The following ARMC9 variants were observed in gnomAD, a reference collection of about 807,000 sequenced individuals.
ARMC9 encodes armadillo repeat containing 9, also known as lisH domain-containing protein ARMC9.
Under a neutral mutation model 107.0 loss-of-function variants are expected in ARMC9, and 94 were observed. The ratio of observed to expected loss-of-function variants is 0.88; its 90% confidence interval spans 0.74 to 1.04. The LOEUF is 1.04. Ranked by LOEUF, ARMC9 falls within the 50% of genes least tolerant of loss-of-function variation. The pLI, the probability that ARMC9 is intolerant of heterozygous loss-of-function variation, is 0.00. For missense variants in ARMC9, 942 were observed against 1,030.1 expected (o/e 0.91, Z 1.17); for synonymous variants, 380 against 396.9 (o/e 0.96, Z 0.51).
At chr2:231,278,514 T>C (rs2039953836) in intron 16 of ARMC9, 56 bp downstream of exon 16, 1 of 1,504,252 alleles carries the variant, frequency 6.6e-7, no homozygotes, top group South Asian at 1.1e-5. Flanking sequence ...GGGGACCCAA[T>C]GCCTGTGACC....
chr2:231,280,909 A>G (rs1235570444), intron 16 of ARMC9, among the ~76,000 whole-genome samples: 1 of 152,218 alleles, frequency 6.6e-6, no homozygotes, highest in African/African-American at 2.4e-5. Flanking sequence ...GAAAATAAAA[A>G]CAACCGTAGG....
Position 231,213,677 on chromosome 2 carries a change from A to G in ARMC9, c.178-1154A>G, listed in dbSNP as rs1016809210. 2.6e-5 allele frequency among the ~76,000 whole-genome samples: 4 copies of G among 151,960 alleles called. No individual in the cohort carries two copies. In the East Asian group the frequency reaches 5.8e-4, roughly 22 times the overall value. On this transcript the variant is annotated intron_variant, in intron 3 of 24. Transcript: ENST00000611582. ...TTTTTAGTGGAGACAGGGTTTCATC[A>G]TGTTGATCAGGCTGGTCTCGAACTC...
At chr2:231,273,170 C>G in intron 14 of ARMC9, 92 bp downstream of exon 14, 1 of 1,502,762 alleles carries the variant, frequency 6.7e-7, no homozygotes, top group Non-Finnish European at 9.0e-7. Context: ...GGTATTTTTC[C>G]ACTACACTTT....
At chr2:231,311,093 AC>A (rs2125512884) in intron 19 of ARMC9, among the ~76,000 whole-genome samples, 1 of 152,306 alleles carries the variant, frequency 6.6e-6, no homozygotes, top group East Asian at 1.9e-4. Flanking sequence ...GTGCCATTGC[AC>A]CCCAGCCTGG....
At chr2:231,246,254 C>T (rs891656303) in intron 9 of ARMC9, among the ~76,000 whole-genome samples, 4 of 152,204 alleles carry the variant, frequency 2.6e-5, no homozygotes, top group African/African-American at 9.7e-5. Context: ...AGGTTTGTTA[C>T]ATGAGTAAAT....
At position 231,358,390 on chromosome 2, in the gene ARMC9, A is replaced by T. The variant is rs1194953520; in HGVS notation, c.2132-2364A>T. On this transcript the variant is annotated intron_variant, in intron 22 of 24. Transcript: ENST00000611582. The surrounding 1 kb of genome is among the most constrained non-coding windows in gnomAD (Gnocchi z 4.5). ...TGATTGATTGATTGATTGTAGAGAG[A>T]GGTGTCTCTCTGTGCTGCCCAGGCT... Among the ~76,000 whole-genome samples, 1 of 142,886 alleles carries T rather than the reference A, an allele frequency of 7.0e-6. No individual in the cohort carries two copies. Among genetic ancestry groups the T allele is most frequent in the East Asian group, 1.9e-4 (1 of 5,140 alleles). 93.7% of individuals were successfully genotyped at this position (142,886 alleles called of 152,430 possible).
At chr2:231,218,610 A>G (rs1252279432) in intron 5 of ARMC9, among the ~76,000 whole-genome samples, 1 of 152,216 alleles carries the variant, frequency 6.6e-6, no homozygotes, top group African/African-American at 2.4e-5. Flanking sequence ...GGTGGAGTTC[A>G]GCTTCTGGTG....
At chr2:231,247,217 A>C (rs1364669337) in intron 9 of ARMC9, among the ~76,000 whole-genome samples, 1 of 152,196 alleles carries the variant, frequency 6.6e-6, no homozygotes, top group African/African-American at 2.4e-5. Flanking sequence ...GGCCTCCCAA[A>C]GTGCTGGGAT....
rs752980410 is a variant in ARMC9, at chr2:231,360,884, G to A, written c.2261+1G>A. On this transcript the variant is annotated splice_donor_variant, in intron 23 of 24. Transcript: ENST00000611582. LOFTEE classifies it high-confidence loss of function. This position sits in a 1 kb window ranked among gnomAD's most constrained non-coding sequence, Gnocchi z 4.7. ...ACCCAGGCAATGGAGTGACCACCAG[G>A]TAAGGGGGATATCACAAGGCCTCGA... is the stretch of plus-strand genomic sequence containing the variant. 3 of 1,525,568 alleles carry A rather than the reference G, an allele frequency of 2.0e-6. No individual in the cohort carries two copies. The highest frequency in any genetic ancestry group is 1.4e-5 in the African/African-American group (1 of 72,590). 94.5% of individuals were successfully genotyped at this position (1,525,568 alleles called of 1,614,324 possible). A position where few individuals can be genotyped will look rare whatever the true frequency, so the allele number is the denominator to read the frequency against.
chr2:231,210,853 T>A (rs1369475256), intron 3 of ARMC9, among the ~76,000 whole-genome samples: 1 of 152,202 alleles, frequency 6.6e-6, no homozygotes, highest in Admixed American at 6.5e-5. Flanking sequence ...GTGAAACAGA[T>A]CTCTAGAATT....
In ARMC9 at chr2:231,280,617, G is replaced by T. The variant is rs144088125; in HGVS notation, c.1552-1442G>T. The stretch of plus-strand genomic sequence containing the variant: ...TCTTGAAAGACAAAACCAAAATAAA[G>T]AAAAAGATGCACATAACTGACTATA... On this transcript the variant is annotated intron_variant, in intron 16 of 24. Transcript: ENST00000611582. Among the ~76,000 whole-genome samples, 178 of 151,950 alleles carry T rather than the reference G, an allele frequency of 1.2e-3. 1 individual carries two copies. Among genetic ancestry groups the T allele is most frequent in the African/African-American group, 4.1e-3 (170 of 41,454 alleles).
intron 12 of ARMC9, 52 bp downstream of exon 12, chr2:231,262,450 T>C (rs769057780): frequency 5.3e-6 from 8 of 1,498,344 alleles, no homozygotes; most frequent in Non-Finnish European, 7.4e-6. Flanking sequence ...TTCTAGGGAA[T>C]GATCTTAGCA....
At chr2:231,291,123 A>G (rs1377375646) in intron 17 of ARMC9, among the ~76,000 whole-genome samples, 1 of 152,146 alleles carries the variant, frequency 6.6e-6, no homozygotes, top group Non-Finnish European at 1.5e-5. Context: ...TTGTCTTGCC[A>G]AAGAGATAGT....
At chr2:231,269,255 G>C (rs1353660901) in intron 12 of ARMC9, among the ~76,000 whole-genome samples, 2 of 151,976 alleles carry the variant, frequency 1.3e-5, no homozygotes, top group Non-Finnish European at 2.9e-5. Flanking sequence ...TTCTGGTCTT[G>C]AGTTATTTTG....
chr2:231,364,661 G>C (rs548797719), intron 23 of ARMC9, among the ~76,000 whole-genome samples: 156 of 152,248 alleles, frequency 1.0e-3, no homozygotes, highest in Middle Eastern at 3.4e-3. Flanking sequence ...AGCCGGGCAT[G>C]GTGGTGCATG....
chr2:231,337,469 G>GTTT (rs1172469791), intron 20 of ARMC9, among the ~76,000 whole-genome samples: 3 of 99,532 alleles, frequency 3.0e-5, no homozygotes, highest in African/African-American at 4.5e-5. Context: ...GCTAATTTTT[G>GTTT]TTTTTTTTTT....
chr2:231,296,463 T>C (rs1180891347), intron 19 of ARMC9, among the ~76,000 whole-genome samples: 1 of 152,198 alleles, frequency 6.6e-6, no homozygotes, highest in Non-Finnish European at 1.5e-5. Context: ...GTTTGAAGAC[T>C]CCCACACTCA....
chr2:231,321,132 A>G (rs745365190), intron 19 of ARMC9, among the ~76,000 whole-genome samples: 1 of 152,260 alleles, frequency 6.6e-6, no homozygotes, highest in Non-Finnish European at 1.5e-5. Flanking sequence ...TGAGGATCAA[A>G]TGAAACAATC....
intron 19 of ARMC9, among the ~76,000 whole-genome samples, chr2:231,300,138 G>T (rs1420100211): frequency 1.3e-5 from 2 of 152,180 alleles, no homozygotes; most frequent in African/African-American, 4.8e-5. Context: ...AGAAATGCAA[G>T]ACCTTCCTGT....
Sources: allele counts gnomAD v4.1 joint callset (sites outside exome capture counted in the v4.1 genomes callset), GRCh38; gene constraint gnomAD v4.1.1; non-coding constraint Gnocchi (gnomAD v3.1); transcripts MANE v1.5; gene names NCBI Gene and HGNC (gene_info 2026-07-23, HGNC 2026-07-21).